The following IRAK2 variants were observed in gnomAD, a reference collection of about 807,000 sequenced individuals.
IRAK2 encodes interleukin-1 receptor-associated kinase-like 2.
Under a neutral mutation model 72.0 loss-of-function variants are expected in IRAK2, and 57 were observed. The ratio of observed to expected loss-of-function variants is 0.79; its 90% CI spans 0.64 to 0.99. The LOEUF (loss-of-function observed/expected upper bound fraction) is 0.99. IRAK2 is among the 50% of genes least tolerant of loss of function. The pLI is 0.00. For missense variants in IRAK2, 790 were observed against 794.4 expected, an observed-to-expected ratio of 0.99 and a Z score of 0.07; for synonymous variants, 293 against 312.7, an observed-to-expected ratio of 0.94 and a Z score of 0.67.
intron 9 of IRAK2, among the ~76,000 whole-genome samples, chr3:10,223,703 A>C (rs1466613685): frequency 6.6e-6 from 1 of 152,214 alleles, no homozygotes; most frequent in African/African-American, 2.4e-5. Context: ...TTCTCAGAAT[A>C]TCTGTCCTTG....
At chr3:10,235,439 A>G (rs1391003534) in intron 11 of IRAK2, among the ~76,000 whole-genome samples, 1 of 152,062 alleles carries the variant, frequency 6.6e-6, no homozygotes, top group African/African-American at 2.4e-5. Flanking sequence ...CTTGAATTAC[A>G]GGCATCAGCC....
chr3:10,185,310 C>A (rs1697056084), intron 2 of IRAK2, among the ~76,000 whole-genome samples: 8 of 150,714 alleles, frequency 5.3e-5, no homozygotes, highest in Admixed American at 5.3e-4. Flanking sequence ...GTAATCCCAG[C>A]ACTTTGGGAG....
intron 3 of IRAK2, among the ~76,000 whole-genome samples, chr3:10,201,828 G>A (rs928600173): frequency 2.6e-5 from 4 of 152,200 alleles, no homozygotes; most frequent in African/African-American, 4.8e-5. Flanking sequence ...CACTGTTGCC[G>A]TTTCTGAAGC....
intron 1 of IRAK2, among the ~76,000 whole-genome samples, chr3:10,177,142 G>T (rs1318963774): frequency 2.6e-5 from 4 of 152,078 alleles, no homozygotes; most frequent in African/African-American, 4.8e-5. Context: ...TCACTATGTT[G>T]CCCAGGCTGG....
intron 1 of IRAK2, among the ~76,000 whole-genome samples, chr3:10,168,991 G>A (rs568085545): frequency 1.5e-4 from 23 of 152,052 alleles, no homozygotes; most frequent in Non-Finnish European, 2.8e-4. Context: ...CCTAAGTGTC[G>A]GCCGGTCTGA....
intron 10 of IRAK2, among the ~76,000 whole-genome samples, chr3:10,231,695 A>G (rs189503835): frequency 1.8e-4 from 27 of 152,184 alleles, no homozygotes; most frequent in Non-Finnish European, 2.8e-4. Context: ...AAAAAATTTT[A>G]TGTGGAGATG....
At chr3:10,210,923 G>C (rs892412080) in intron 4 of IRAK2, among the ~76,000 whole-genome samples, 12 of 152,076 alleles carry the variant, frequency 7.9e-5, no homozygotes, top group Admixed American at 7.9e-4. Context: ...GCAGTGGCAC[G>C]ATCTTGGTCA....
At chr3:10,230,968 G>C (rs1445836001) in intron 10 of IRAK2, among the ~76,000 whole-genome samples, 1 of 151,648 alleles carries the variant, frequency 6.6e-6, no homozygotes, top group East Asian at 2.0e-4. Context: ...GGCCAGGCTG[G>C]TCTTGAACTC....
At chr3:10,193,259 C>CA (rs958830536) in intron 2 of IRAK2, among the ~76,000 whole-genome samples, 3 of 152,144 alleles carry the variant, frequency 2.0e-5, no homozygotes, top group African/African-American at 7.2e-5. Context: ...ATCTGGGACT[C>CA]AGCCCTCATC....
chr3:10,171,558 G>A (rs1399740393), intron 1 of IRAK2, among the ~76,000 whole-genome samples: 1 of 152,100 alleles, frequency 6.6e-6, no homozygotes. Flanking sequence ...CAGGATTCAG[G>A]AACTCAAGAG....
At chr3:10,200,767 G>A (rs1199171783) in intron 3 of IRAK2, among the ~76,000 whole-genome samples, 3 of 152,154 alleles carry the variant, frequency 2.0e-5, no homozygotes, top group Non-Finnish European at 4.4e-5. Flanking sequence ...AGGCATGGTG[G>A]CATGCACCTG....
chr3:10,184,672 G>C (rs1283267045), intron 2 of IRAK2, among the ~76,000 whole-genome samples: 1 of 150,824 alleles, frequency 6.6e-6, no homozygotes, highest in Non-Finnish European at 1.5e-5. Context: ...AAATCTGGCA[G>C]AGGAGCAATT....
rs563064504 is a variant in IRAK2, at chr3:10,170,973, C to T, written c.94+5925C>T. ...TTAGAAAGAAGACAGTCCCTCAGAG[C>T]TGATGGTGATACTGGGAGAGTGTAG... is the stretch of plus-strand genomic sequence containing the variant. On this transcript the variant is annotated intron_variant, in intron 1 of 12. Coordinates refer to ENST00000256458, the MANE Select transcript of IRAK2 (RefSeq NM_001570.4). 2.0e-5 allele frequency among the ~76,000 whole-genome samples: 3 copies of T among 152,352 alleles called. No homozygotes were observed. The South Asian group carries it at 6.2e-4, about 32-fold the overall frequency.
intron 2 of IRAK2, among the ~76,000 whole-genome samples, chr3:10,199,135 C>T (rs904988024): frequency 1.3e-5 from 2 of 152,024 alleles, no homozygotes; most frequent in Admixed American, 6.6e-5. Context: ...TGGAGGCTGC[C>T]TGAGCTGGCG....
chr3:10,229,456 C>A (rs577929722), intron 10 of IRAK2, among the ~76,000 whole-genome samples: 1 of 152,168 alleles, frequency 6.6e-6, no homozygotes, highest in Non-Finnish European at 1.5e-5. Flanking sequence ...GTAACCACCA[C>A]CACAATCAAG....
chr3:10,177,777 G>A lies in IRAK2; in HGVS notation c.95-61G>A, dbSNP rs112298275. ...AAAGCCCAGCTAGGGGCTAGTGTGG[G>A]GACCTGTCCTAGAGGGACTGCCTCT... On this transcript the variant is annotated intron_variant, in intron 1 of 12. Transcript: ENST00000256458. 3.1e-4 allele frequency: 478 copies of A among 1,533,818 alleles called. 6 individuals carry two copies. In the Middle Eastern group the frequency reaches 0.013, roughly 41 times the overall value.
intron 12 of IRAK2, among the ~76,000 whole-genome samples, chr3:10,241,801 CAAAAAAAAAA>C (rs4019566): frequency 1.2e-5 from 1 of 83,144 alleles, no homozygotes. Context: ...GACTCCATCT[CAAAAAAAAAA>C]AAAAAAAAAA....
chr3:10,192,132 G>A (rs1227701830), intron 2 of IRAK2, among the ~76,000 whole-genome samples: 2 of 152,102 alleles, frequency 1.3e-5, no homozygotes, highest in African/African-American at 4.8e-5. Context: ...GGAAAAGAGA[G>A]GGCGCGGAAA....
intron 9 of IRAK2, among the ~76,000 whole-genome samples, chr3:10,225,600 G>A (rs1697760837): frequency 6.6e-6 from 1 of 152,172 alleles, no homozygotes; most frequent in African/African-American, 2.4e-5. Flanking sequence ...TATGGATGCT[G>A]CAAGATTTGT....
Sources: gnomAD v4.1 joint callset for allele counts (sites outside exome capture counted in the v4.1 genomes callset) on GRCh38, gnomAD v4.1.1 for gene constraint, MANE v1.5 for transcripts, NCBI Gene and HGNC (gene_info 2026-07-23, HGNC 2026-07-21) for gene names.